GALNT2: variants seen among roughly 807,000 people sequenced by gnomAD.
The protein encoded by GALNT2 is polypeptide N-acetylgalactosaminyltransferase 2, also known as UDP-GalNAc:polypeptide N-acetylgalactosaminyltransferase 2.
Under a neutral mutation model 81.4 loss-of-function variants are expected in GALNT2, and 31 were observed. The ratio of observed to expected loss-of-function variants is 0.38; its 90% CI spans 0.29 to 0.51. The LOEUF is 0.51. GALNT2 is among the 20% of genes least tolerant of loss of function. The pLI is 0.87. For missense variants in GALNT2, 629 were observed against 765.7 expected (o/e 0.82, Z 2.11); for synonymous variants, 303 against 287.4 (o/e 1.05, Z -0.55).
chr1:230,112,114 A>G (rs143701728), intron 1 of GALNT2, among the ~76,000 whole-genome samples: 2 of 152,294 alleles, frequency 1.3e-5, no homozygotes, highest in Admixed American at 6.5e-5. Flanking sequence ...AGCCCAGTCC[A>G]TGGTGGCCAC....
At chr1:230,136,876 C>G (rs143409083) in intron 1 of GALNT2, among the ~76,000 whole-genome samples, 1 of 152,160 alleles carries the variant, frequency 6.6e-6, no homozygotes, top group African/African-American at 2.4e-5. Context: ...AAGAGCCGGC[C>G]GTCTGTGCAT....
chr1:230,230,560 C>G (rs1664838806), intron 3 of GALNT2, among the ~76,000 whole-genome samples: 1 of 152,202 alleles, frequency 6.6e-6, no homozygotes, highest in East Asian at 1.9e-4. Flanking sequence ...ACACAACTCC[C>G]TTAGAGGGAC....
chr1:230,249,846 C>T (rs532600726), intron 9 of GALNT2, among the ~76,000 whole-genome samples: 1 of 152,324 alleles, frequency 6.6e-6, no homozygotes, highest in South Asian at 2.1e-4. Flanking sequence ...TGACATTTAG[C>T]CAACATCTGC....
chr1:230,165,180 T>G (rs181201654), intron 1 of GALNT2, among the ~76,000 whole-genome samples: 39 of 152,354 alleles, frequency 2.6e-4, no homozygotes, highest in African/African-American at 9.1e-4. Flanking sequence ...AACACAATCA[T>G]TTTTATTCCA....
chr1:230,140,684 G>C (rs779671109), intron 1 of GALNT2, among the ~76,000 whole-genome samples: 1 of 152,170 alleles, frequency 6.6e-6, no homozygotes, highest in Non-Finnish European at 1.5e-5. Flanking sequence ...AATGAGTTCT[G>C]TCTGTGTCAA....
intron 1 of GALNT2, among the ~76,000 whole-genome samples, chr1:230,074,358 T>C (rs374765623): frequency 1.3e-5 from 2 of 152,150 alleles, no homozygotes; most frequent in Admixed American, 6.5e-5. Flanking sequence ...GGATTCCAGG[T>C]GTGAGCGACT....
chr1:230,243,446 G>A lies in GALNT2; in HGVS notation c.729+19G>A, dbSNP rs1225733355. 6.2e-7 allele frequency: 1 copy of A among 1,608,604 alleles called. No individual in the cohort carries two copies. The highest frequency in any genetic ancestry group is 2.2e-5 in the East Asian group (1 of 44,758). ...GGCGGAGGTGAGATGACGGGGGCTGGGAGGGGTGTCAGGTCGTGGGTGGTT... is the reference window on the plus strand; with the variant it reads ...GGCGGAGGTGAGATGACGGGGGCTGAGAGGGGTGTCAGGTCGTGGGTGGTT... On this transcript the variant is annotated intron_variant, in intron 7 of 15. Transcript: ENST00000366672. The surrounding 1 kb of genome is among the most constrained non-coding windows in gnomAD (Gnocchi z 4.2).
At chr1:230,215,084 A>G (rs989884691) in intron 3 of GALNT2, among the ~76,000 whole-genome samples, 2 of 152,236 alleles carry the variant, frequency 1.3e-5, no homozygotes, top group African/African-American at 4.8e-5. Flanking sequence ...TTGAGCTGGT[A>G]TAAAGCTGGG....
chr1:230,278,007 G>A (rs1257670098), intron 15 of GALNT2, among the ~76,000 whole-genome samples: 1 of 132,234 alleles, frequency 7.6e-6, no homozygotes, highest in Non-Finnish European at 1.5e-5. Context: ...TAGAACCACA[G>A]ACTTCATTAT....
rs1056854791 is a variant in GALNT2 at position 230,275,803 on chromosome 1, T to C, written c.1560+1239T>C. On this transcript the variant is annotated intron_variant, in intron 15 of 15. Transcript: ENST00000366672. This position sits in a 1 kb window ranked among gnomAD's most constrained non-coding sequence, Gnocchi z 5.5. ...TATATACATATATATACATGCCACA[T>C]ATATATACAAATATACATGCCACAT... Among the ~76,000 whole-genome samples, 15 of 151,272 alleles carry C rather than the reference T, an allele frequency of 9.9e-5. No homozygotes were observed. Among genetic ancestry groups the C allele is most frequent in the African/African-American group, 3.4e-4 (14 of 41,220 alleles).
rs180973204 is a variant in GALNT2 at position 230,160,808 on chromosome 1, G to A, written c.127-17410G>A. The stretch of plus-strand genomic sequence containing the variant: ...CTGTTTTAAAAAGCCCTGTGGATGC[G>A]CAGGCTCTCTTAGACCCTTTTTCTG... On this transcript the variant is annotated intron_variant, in intron 1 of 15. Transcript: ENST00000366672. Among the ~76,000 whole-genome samples, 8 of 152,162 alleles carry A rather than the reference G, an allele frequency of 5.3e-5. No homozygotes were observed. In the South Asian group the frequency reaches 1.0e-3, roughly 20 times the overall value.
At position 230,243,162 on chromosome 1, in the gene GALNT2, T is replaced by G. The variant is rs1197419681; in HGVS notation, c.608-144T>G. 1.2e-5 allele frequency: 13 copies of G among 1,040,030 alleles called. No homozygotes were observed. In the Admixed American group the frequency reaches 3.6e-4, roughly 29 times the overall value. 64.4% of individuals were successfully genotyped at this position (1,040,030 alleles called of 1,614,324 possible). The stretch of plus-strand genomic sequence containing the variant: ...AGTCTGTCTCATGGAGCAGTTTTGA[T>G]CTCATCCAGCAAGTTTACAGTAATG... On this transcript the variant is annotated intron_variant, in intron 6 of 15. Transcript: ENST00000366672. This position sits in a 1 kb window ranked among gnomAD's most constrained non-coding sequence, Gnocchi z 4.2.
In GALNT2 at chr1:230,067,247, C is replaced by T. The variant is rs1463383858; in HGVS notation, c.-34C>T. The T allele has an allele frequency of 4.0e-6, 5 of 1,251,370 alleles. No homozygotes were observed. Among genetic ancestry groups the T allele is most frequent in the Non-Finnish European group, 1.0e-6 (1 of 990,700 alleles). The allele number at this position is 1,251,370 out of a possible 1,614,324, so 77.5% of individuals were successfully genotyped here. A position where few individuals can be genotyped will look rare whatever the true frequency, so the allele number is the denominator to read the frequency against. On this transcript the variant is annotated 5_prime_UTR_variant, in exon 1 of 16. Coordinates refer to ENST00000366672, the MANE Select transcript of GALNT2 (RefSeq NM_004481.5). ...GGCCGGCCCAGGCAGCACTCGCGAG[C>T]AGCGGCGGCCCCGCCGGCGGCCGAG... is the stretch of plus-strand genomic sequence containing the variant.
At chr1:230,164,481 T>C (rs1049151211) in intron 1 of GALNT2, among the ~76,000 whole-genome samples, 18 of 151,568 alleles carry the variant, frequency 1.2e-4, no homozygotes, top group Admixed American at 1.3e-4. Flanking sequence ...CTTGGCGGAC[T>C]GCATCCGATC....
intron 3 of GALNT2, among the ~76,000 whole-genome samples, chr1:230,211,166 G>A (rs1664221635): frequency 6.6e-6 from 1 of 152,190 alleles, no homozygotes; most frequent in East Asian, 1.9e-4. Context: ...CTGGCCTCCT[G>A]AGATTCTTGT....
intron 3 of GALNT2, among the ~76,000 whole-genome samples, chr1:230,235,707 C>T (rs1267248985): frequency 6.6e-6 from 1 of 152,136 alleles, no homozygotes; most frequent in Non-Finnish European, 1.5e-5. Context: ...GGTGTATCTG[C>T]TTGAGAGTAG....
upstream of GALNT2, among the ~76,000 whole-genome samples, chr1:230,062,873 C>A (rs1236585878): frequency 6.6e-6 from 1 of 152,076 alleles, no homozygotes; most frequent in Non-Finnish European, 1.5e-5. Flanking sequence ...ATGTATACAA[C>A]CAGAAATGGA....
chr1:230,136,727 C>T (rs1264213109), intron 1 of GALNT2, among the ~76,000 whole-genome samples: 1 of 152,220 alleles, frequency 6.6e-6, no homozygotes, highest in Non-Finnish European at 1.5e-5. Context: ...CCAAACACCG[C>T]TTGTTTGTAG....
chr1:230,237,238 G>C (rs958831995), intron 6 of GALNT2, among the ~76,000 whole-genome samples: 2 of 152,200 alleles, frequency 1.3e-5, no homozygotes, highest in Non-Finnish European at 1.5e-5. Flanking sequence ...AGCTCATGAG[G>C]ACTCTTTTAT....
Sources: gnomAD v4.1 joint callset for allele counts (sites outside exome capture counted in the v4.1 genomes callset) on GRCh38, gnomAD v4.1.1 for gene constraint, Gnocchi (gnomAD v3.1) non-coding constraint, MANE v1.5 for transcripts, NCBI Gene and HGNC (gene_info 2026-07-23, HGNC 2026-07-21) for gene names.